Variants in LMF1 observed in about 807,000 individuals in gnomAD.
The protein encoded by LMF1 is transmembrane protein 112.
LMF1 carries 68 observed loss-of-function variants against 60.6 expected under a neutral mutation model. The observed-to-expected ratio is 1.12, with a 90% CI of 0.92 to 1.37. The LOEUF is 1.37. Ranked by LOEUF, LMF1 falls within the 40% of genes most tolerant of loss-of-function variation. The probability of loss-of-function intolerance (pLI) is 0.00; values close to 1 mark genes in which losing one functional copy is unlikely to be tolerated. For synonymous variants in LMF1, 418 were observed against 324.7 expected, an observed-to-expected ratio of 1.29 and a Z score of -3.09; for missense variants, 948 against 767.2, an observed-to-expected ratio of 1.24 and a Z score of -2.78.
At chr16:969,749 C>T (rs1355388183) in intron 1 of LMF1, among the ~76,000 whole-genome samples, 1 of 152,232 alleles carries the variant, frequency 6.6e-6, no homozygotes, top group Non-Finnish European at 1.5e-5. Flanking sequence ...CTGGCAGGCT[C>T]CCCTCACTTC....
chr16:860,802 T>TTG (rs2151687489), intron 10 of LMF1, among the ~76,000 whole-genome samples: 1 of 152,302 alleles, frequency 6.6e-6, no homozygotes, highest in East Asian at 1.9e-4. Context: ...TTGGGTCTCT[T>TTG]TGTGGGTTCT....
rs1305984820 is a variant in LMF1 at position 874,212 on chromosome 16, G to C, written c.898-2871C>G. 6.6e-6 allele frequency among the ~76,000 whole-genome samples: 1 copy of C among 152,252 alleles called. No homozygotes were observed. Among genetic ancestry groups the C allele is most frequent in the Non-Finnish European group, 1.5e-5 (1 of 68,034 alleles). ...GTTGTTTCATCACAACCGAAACACA[G>C]CTAAGGGCCGGTGAGCCCAGCTCTG... On this transcript the variant is annotated intron_variant, in intron 6 of 10. Transcript: ENST00000262301. This position sits in a 1 kb window ranked among gnomAD's most constrained non-coding sequence, Gnocchi z 4.1.
intron 1 of LMF1, among the ~76,000 whole-genome samples, chr16:965,371 C>G (rs1257284197): frequency 1.3e-5 from 2 of 152,256 alleles, no homozygotes; most frequent in African/African-American, 4.8e-5. Context: ...CCAGAAGAGC[C>G]TCATCCAGAG....
chr16:973,002 C>A (rs574400385), upstream of LMF1, among the ~76,000 whole-genome samples: 1 of 152,168 alleles, frequency 6.6e-6, no homozygotes, highest in Non-Finnish European at 1.5e-5. Context: ...CAGCTCTGGT[C>A]GTGCCCATTT....
intron 4 of LMF1, among the ~76,000 whole-genome samples, chr16:893,519 C>T (rs531822516): frequency 8.3e-4 from 127 of 152,272 alleles, no homozygotes; most frequent in Non-Finnish European, 1.5e-3. Flanking sequence ...CCGCCCCCTG[C>T]GGCACAAAGG....
rs142781141 is a variant in LMF1 at position 895,690 on chromosome 16, C to T, written c.664-2618G>A. ...AAGGACGGCACGTGGCTCAAGTGAC[C>T]GATGCCGAGAGGGACACGAATGAGA... is the stretch of plus-strand genomic sequence containing the variant. On this transcript the variant is annotated intron_variant, in intron 4 of 10. Transcript: ENST00000262301. 5.2e-3 allele frequency among the ~76,000 whole-genome samples: 794 copies of T among 152,256 alleles called. 6 individuals carry two copies. Among genetic ancestry groups the T allele is most frequent in the African/African-American group, 0.018 (747 of 41,566 alleles).
chr16:948,861 C>G (rs567202297), intron 2 of LMF1, among the ~76,000 whole-genome samples: 130 of 91,006 alleles, frequency 1.4e-3, no homozygotes, highest in Non-Finnish European at 2.0e-3. Flanking sequence ...AGTCAGCCAA[C>G]GACAGAGTCA....
chr16:934,996 A>G (rs1597028657), intron 2 of LMF1, among the ~76,000 whole-genome samples: 1 of 152,200 alleles, frequency 6.6e-6, no homozygotes, highest in African/African-American at 2.4e-5. Context: ...TCAGTGCCAC[A>G]CCTGACGTAG....
chr16:893,674 G>A (rs1384318718), intron 4 of LMF1, among the ~76,000 whole-genome samples: 1 of 152,126 alleles, frequency 6.6e-6, no homozygotes, highest in Non-Finnish European at 1.5e-5. Flanking sequence ...AGAGGCTGCG[G>A]GGCTGGGGGT....
chr16:939,567 C>T (rs1404943941), intron 2 of LMF1, among the ~76,000 whole-genome samples: 3 of 152,236 alleles, frequency 2.0e-5, no homozygotes, highest in African/African-American at 4.8e-5. Flanking sequence ...ACCAGTGCGT[C>T]GCTGAGACTG....
chr16:855,618 G>A (rs1367659509), intron 10 of LMF1: 3 of 441,512 alleles, frequency 6.8e-6, no homozygotes, highest in African/African-American at 6.0e-5. Context: ...TGTGCAGCAG[G>A]AGCGGAAGCT....
At chr16:885,629 T>C (rs1227200745) in intron 5 of LMF1, among the ~76,000 whole-genome samples, 1 of 152,162 alleles carries the variant, frequency 6.6e-6, no homozygotes, top group Non-Finnish European at 1.5e-5. Context: ...GCAGAGAATA[T>C]GATCAGCAGT....
chr16:892,971 C>T lies in LMF1; in HGVS notation c.729+36G>A, dbSNP rs186960297. On this transcript the variant is annotated intron_variant, in intron 5 of 10. Transcript: ENST00000262301. ...GAGTGGGAACGGGGCGGCGTGAGAC[C>T]GGGTGCCCTGCCCTCACGCTGCACG... is the stretch of plus-strand genomic sequence containing the variant. 1.5e-4 allele frequency: 218 copies of T among 1,502,688 alleles called. No homozygotes were observed. In the African/African-American group the frequency reaches 2.2e-3, roughly 15 times the overall value. The allele number at this position is 1,502,688 out of a possible 1,614,324, so 93.1% of individuals were successfully genotyped here. A position where few individuals can be genotyped will look rare whatever the true frequency, so the allele number is the denominator to read the frequency against.
intron 2 of LMF1, among the ~76,000 whole-genome samples, chr16:946,682 C>T (rs528573659): frequency 2.0e-5 from 3 of 152,314 alleles, no homozygotes; most frequent in Admixed American, 6.5e-5. Context: ...TAACAGAGAA[C>T]GTTCACAGGT....
chr16:926,863 C>T (rs1401132369), intron 3 of LMF1, among the ~76,000 whole-genome samples: 2 of 152,196 alleles, frequency 1.3e-5, no homozygotes, highest in African/African-American at 2.4e-5. Flanking sequence ...GAGTCCTCCC[C>T]TTCTAGCCAT....
chr16:893,574 G>A (rs2070558971), intron 4 of LMF1, among the ~76,000 whole-genome samples: 1 of 152,234 alleles, frequency 6.6e-6, no homozygotes, highest in South Asian at 2.1e-4. Flanking sequence ...ACTGCAGCTC[G>A]CCTGCTGTGA....
chr16:949,430 G>C (rs1270383637), intron 2 of LMF1, among the ~76,000 whole-genome samples: 3 of 143,744 alleles, frequency 2.1e-5, no homozygotes, highest in Non-Finnish European at 4.5e-5. Flanking sequence ...GCCAACGACA[G>C]AGTCAGGCCA....
chr16:900,332 G>A (rs1167667404), intron 4 of LMF1: 1 of 152,182 alleles, frequency 6.6e-6, no homozygotes, highest in Non-Finnish European at 1.5e-5. Flanking sequence ...TGTTAATGAG[G>A]ACCAAGACAG....
chr16:918,022 G>A (rs1013764610), intron 3 of LMF1, among the ~76,000 whole-genome samples: 11 of 152,372 alleles, frequency 7.2e-5, no homozygotes, highest in African/African-American at 2.4e-4. Flanking sequence ...GGGACATGGC[G>A]TCGGGACGTG....
Sources: allele counts gnomAD v4.1 joint callset (sites outside exome capture counted in the v4.1 genomes callset), GRCh38; gene constraint gnomAD v4.1.1; non-coding constraint Gnocchi (gnomAD v3.1); transcripts MANE v1.5; gene names NCBI Gene and HGNC (gene_info 2026-07-23, HGNC 2026-07-21).